CEP192: variants seen among roughly 807,000 people sequenced by gnomAD.
CEP192 encodes the protein centrosomal protein 192.
Under a neutral mutation model 271.8 loss-of-function variants are expected in CEP192, and 151 were observed. The observed-to-expected ratio is 0.56, with a 90% CI of 0.49 to 0.64. The LOEUF (loss-of-function observed/expected upper bound fraction) is 0.64, where lower values mean the gene tolerates loss of function less well. Ranked by LOEUF, CEP192 falls within the 30% of genes least tolerant of loss-of-function variation. The pLI, the probability that CEP192 is intolerant of heterozygous loss-of-function variation, is 0.00. For synonymous variants in CEP192, 995 were observed against 1,076.5 expected (o/e 0.92, Z 1.48); for missense variants, 2,910 against 3,020.5 (o/e 0.96, Z 0.86).
chr18:13,111,326 C>A (rs920408566), intron 40 of CEP192, among the ~76,000 whole-genome samples: 2 of 152,124 alleles, frequency 1.3e-5, no homozygotes, highest in African/African-American at 4.8e-5. Context: ...GGGGTTTCAC[C>A]ATGTTAGCCA....
chr18:13,020,439 T>G (rs1338283810), intron 9 of CEP192, among the ~76,000 whole-genome samples: 1 of 152,232 alleles, frequency 6.6e-6, no homozygotes, highest in African/African-American at 2.4e-5. Context: ...CGAATAATGT[T>G]CTATTATATA....
chr18:13,082,106 A>G (rs1172470465), intron 30 of CEP192, among the ~76,000 whole-genome samples: 1 of 152,214 alleles, frequency 6.6e-6, no homozygotes, highest in Non-Finnish European at 1.5e-5. Context: ...AGAGTTCTGT[A>G]GATGTCTATT....
chr18:13,027,520 A>G (rs1427819375), intron 9 of CEP192, among the ~76,000 whole-genome samples: 4 of 152,092 alleles, frequency 2.6e-5, no homozygotes, highest in Non-Finnish European at 4.4e-5. Context: ...GCTTGGGAGT[A>G]TATCCCCTGG....
chr18:13,120,551 C>A (rs1323661094), intron 44 of CEP192, among the ~76,000 whole-genome samples: 1 of 152,096 alleles, frequency 6.6e-6, no homozygotes, highest in African/African-American at 2.4e-5. Context: ...TTGGACAGTT[C>A]AATTAAGTTA....
In CEP192 at chr18:13,057,652, C is replaced by T; in HGVS notation, c.4176C>T (p.Thr1392=). Residue 1392 remains threonine, a synonymous_variant, in exon 20 of 45, where the codon ACC becomes ACT. Coordinates refer to ENST00000506447, the MANE Select transcript of CEP192 (RefSeq NM_032142.4). ...HACCVGIASQ[T]LLSVLNPTDR... ...GCTGTGTCGGGATCGCTTCCCAGAC[C>T]CTCCTCAGTGTGCTTAATCCAACTG... 6.2e-7 allele frequency: 1 copy of T among 1,614,120 alleles called. No individual in the cohort carries two copies. Among genetic ancestry groups the T allele is most frequent in the Non-Finnish European group, 8.5e-7 (1 of 1,179,994 alleles).
At chr18:13,006,745 C>G (rs1196154576) in intron 3 of CEP192, among the ~76,000 whole-genome samples, 1 of 149,720 alleles carries the variant, frequency 6.7e-6, no homozygotes, top group Non-Finnish European at 1.5e-5. Context: ...ACAAGAGGGA[C>G]GTTGTTCCTG....
chr18:13,042,541 T>G (rs766208366), intron 15 of CEP192, among the ~76,000 whole-genome samples: 5 of 152,246 alleles, frequency 3.3e-5, no homozygotes, highest in South Asian at 2.1e-4. Flanking sequence ...AAAACAGATT[T>G]GTAGTCAATG....
At chr18:13,070,771 C>T (rs997379182) in intron 27 of CEP192, among the ~76,000 whole-genome samples, 2 of 152,202 alleles carry the variant, frequency 1.3e-5, no homozygotes, top group African/African-American at 4.8e-5. Flanking sequence ...CCTGGGCTGG[C>T]GCCTTCTGGG....
rs771334688 is a variant in CEP192 at position 13,124,702 on chromosome 18, G to C, written c.7546G>C (p.Val2516Leu). 1 of 1,613,894 alleles carries C rather than the reference G, an allele frequency of 6.2e-7. No individual in the cohort carries two copies. The highest frequency in any genetic ancestry group is 8.5e-7 in the Non-Finnish European group (1 of 1,179,956). ...CGCAGGCAAATTTGAAGCTTTGCTT[G>C]TCATTCAAACAGATGAAGGCAAGAG... is the stretch of plus-strand genomic sequence containing the variant. The part of the protein sequence containing the change: ...KSAGKFEALL[V>L]IQTDEGKSIA... Residue 2516 changes from valine to leucine, a missense_variant, in exon 45 of 45, where the codon GTC becomes CTC. Coordinates refer to ENST00000506447, the MANE Select transcript of CEP192 (RefSeq NM_032142.4).
rs778311719 is a variant in CEP192 at position 13,124,678 on chromosome 18, G to A, written c.7522G>A (p.Ala2508Thr). Residue 2508 changes from alanine (A) to threonine (T), a missense_variant, in exon 45 of 45, where the codon GCA becomes ACA. By Grantham distance (58) the Ala-to-Thr change is moderately conservative. Transcript: ENST00000506447. ...NMPVQFKPKS[A>T]GKFEALLVIQ... ...GCCCGTGCAGTTCAAACCGAAGTCC[G>A]CAGGCAAATTTGAAGCTTTGCTTGT... is the stretch of plus-strand genomic sequence containing the variant. The A allele has an allele frequency of 7.4e-6, 12 of 1,613,878 alleles. No homozygotes were observed. The highest frequency in any genetic ancestry group is 2.2e-5 in the East Asian group (1 of 44,868).
At chr18:13,090,042 A>C (rs1428095644) in intron 33 of CEP192, among the ~76,000 whole-genome samples, 1 of 152,218 alleles carries the variant, frequency 6.6e-6, no homozygotes, top group African/African-American at 2.4e-5. Context: ...CAAAATAGAT[A>C]GTAATAAGGT....
chr18:13,042,403 G>A (rs954034801), intron 15 of CEP192, 69 bp downstream of exon 15: 1 of 1,482,194 alleles, frequency 6.7e-7, no homozygotes, highest in African/African-American at 1.4e-5. Flanking sequence ...ATCAAGACGA[G>A]ATCACCTGTG....
chr18:13,037,699 G>A (rs1347416536), intron 12 of CEP192, among the ~76,000 whole-genome samples: 3 of 152,130 alleles, frequency 2.0e-5, no homozygotes, highest in Non-Finnish European at 4.4e-5. Context: ...GGGATTGCAG[G>A]CATGTGCTAC....
rs1010596332 is a variant in CEP192 at position 13,088,955 on chromosome 18, T to C, written c.5994-501T>C. 7.0e-5 allele frequency: 30 copies of C among 426,278 alleles called. 2 individuals carry two copies. The highest frequency in any genetic ancestry group is 1.9e-4 in the South Asian group (11 of 58,472). The allele number at this position is 426,278 out of a possible 1,614,324, so 26.4% of individuals were successfully genotyped here. A position where few individuals can be genotyped will look rare whatever the true frequency, so the allele number is the denominator to read the frequency against. ...AATTGGGATATAGAAATCAGCGTAT[T>C]GTTTTCAAACTCTTTGCCATAAAAT... On this transcript the variant is annotated intron_variant, in intron 32 of 44. Coordinates refer to ENST00000506447, the MANE Select transcript of CEP192 (RefSeq NM_032142.4).
In CEP192 at chr18:13,037,219, T is replaced by A. The variant is rs925357085; in HGVS notation, c.1535-18T>A. ...TAGGCATTAGTGTAATGTATTTATA[T>A]AAACATTCTTTTTTAAGCTGAAGCA... On this transcript the variant is annotated intron_variant, in intron 11 of 44. Transcript: ENST00000506447. 2 of 1,081,818 alleles carry A rather than the reference T, an allele frequency of 1.8e-6. No individual in the cohort carries two copies. Among genetic ancestry groups the A allele is most frequent in the Middle Eastern group, 2.0e-4 (1 of 4,986 alleles). 67.0% of individuals were successfully genotyped at this position (1,081,818 alleles called of 1,614,324 possible).
chr18:13,045,954 A>T (rs1034604469), intron 15 of CEP192, among the ~76,000 whole-genome samples: 1 of 152,140 alleles, frequency 6.6e-6, no homozygotes, highest in African/African-American at 2.4e-5. Context: ...TGTTATAGGG[A>T]CATACTGTTG....
Position 13,008,481 on chromosome 18 carries a change from G to A in CEP192, c.316G>A (p.Val106Met). ...TTCTATCTCTAGGAAAAAGAGCTAT[G>A]TGGAAAGTCAACGTTTGTCAAATGC... ...DDSISRKKSY[V>M]ESQRLSNALS... Residue 106 changes from valine to methionine, a missense_variant, in exon 4 of 45, where the codon GTG becomes ATG. Physicochemically the swap from Val to Met is conservative, Grantham distance 21. Transcript: ENST00000506447. 6.5e-7 allele frequency: 1 copy of A among 1,550,164 alleles called. No individual in the cohort carries two copies. The highest frequency in any genetic ancestry group is 8.7e-7 in the Non-Finnish European group (1 of 1,146,308).
chr18:13,073,803 C>T (rs976649522), intron 30 of CEP192, among the ~76,000 whole-genome samples: 5 of 152,192 alleles, frequency 3.3e-5, no homozygotes, highest in African/African-American at 1.2e-4. Context: ...AATCACTTCC[C>T]CAAAGGCCCC....
intron 28 of CEP192, among the ~76,000 whole-genome samples, chr18:13,071,881 T>G (rs1275702870): frequency 6.6e-6 from 1 of 152,200 alleles, no homozygotes; most frequent in Non-Finnish European, 1.5e-5. Context: ...ATGATATGAC[T>G]CTATGGAAAC....
Sources: allele counts gnomAD v4.1 joint callset (sites outside exome capture counted in the v4.1 genomes callset), GRCh38; gene constraint gnomAD v4.1.1; transcripts MANE v1.5; gene names NCBI Gene and HGNC (gene_info 2026-07-23, HGNC 2026-07-21).